NGEF: variants seen among roughly 807,000 people sequenced by gnomAD.
NGEF encodes neuronal guanine nucleotide exchange factor.
A neutral mutation model predicts 80.9 loss-of-function variants in NGEF; 31 were observed. The observed-to-expected ratio is 0.38, with a 90% CI of 0.29 to 0.52. The LOEUF is 0.52. Among genes scored for constraint, NGEF ranks in the 20% least tolerant of loss-of-function variants. The pLI is 0.84. For synonymous variants in NGEF, 371 were observed against 370.2 expected (o/e 1.00, Z -0.03); for missense variants, 709 against 926.2 (o/e 0.77, Z 3.04).
chr2:232,881,208 T>C lies in NGEF; in HGVS notation c.1880A>G (p.Gln627Arg). The C allele has an allele frequency of 6.2e-7, 1 of 1,611,126 alleles. No homozygotes were observed. ...GAGCTCCAGCGTCAGCTCGTCTGGC[T>C]GCTGAGCCACGTATGGGTGCACGCA... ...VQCVHPYVAQ[Q>R]PDELTLELAD... Residue 627 changes from glutamine to arginine, a missense_variant, in exon 14 of 15, where the codon CAG (glutamine) becomes CGG (arginine). By Grantham distance (43) the Gln-to-Arg change is conservative (BLOSUM62 1). Around this residue, in one of 2 missense-constraint regions of NGEF, gnomAD observed 426 missense variants for 622.9 expected, o/e 0.68. Transcript: ENST00000264051.
chr2:232,913,454 G>A (rs1692730647), intron 5 of NGEF, among the ~76,000 whole-genome samples: 1 of 152,164 alleles, frequency 6.6e-6, no homozygotes, highest in African/African-American at 2.4e-5. Flanking sequence ...CTACTGTTGG[G>A]TAGAGTGTTC....
At chr2:232,968,464 G>C (rs1469247006) in intron 3 of NGEF, among the ~76,000 whole-genome samples, 3 of 151,596 alleles carry the variant, frequency 2.0e-5, no homozygotes, top group African/African-American at 7.3e-5. Flanking sequence ...GGAGGGCAAT[G>C]GCATGATCTT....
intron 3 of NGEF, among the ~76,000 whole-genome samples, chr2:232,953,685 C>T (rs147671498): frequency 6.6e-6 from 1 of 151,998 alleles, no homozygotes; most frequent in African/African-American, 2.4e-5. Flanking sequence ...AGGATGTATG[C>T]GGTTTCTTCT....
At chr2:232,987,543 G>A (rs2106331736) in intron 1 of NGEF, among the ~76,000 whole-genome samples, 1 of 152,212 alleles carries the variant, frequency 6.6e-6, no homozygotes, top group East Asian at 1.9e-4. Flanking sequence ...CCCTGGAAAG[G>A]CCCAGGGCTC....
At chr2:232,886,118 G>A (rs372811627) in intron 9 of NGEF, among the ~76,000 whole-genome samples, 2 of 75,058 alleles carry the variant, frequency 2.7e-5, no homozygotes, top group South Asian at 5.9e-4. Context: ...GTGCATGTGT[G>A]TGCTGTGTAT....
Position 232,895,037 on chromosome 2 carries a change from G to A in NGEF, c.829-121C>T, listed in dbSNP as rs566119282. Reference sequence around the variant, plus strand: ...GGGAGTTGAAAGGGAAAAATCGCCTGCTCCTGGGGCCTGGGATGGCTGCTG... The same window carrying A: ...GGGAGTTGAAAGGGAAAAATCGCCTACTCCTGGGGCCTGGGATGGCTGCTG... On this transcript the variant is annotated intron_variant, in intron 5 of 14. Coordinates refer to ENST00000264051, the MANE Select transcript of NGEF (RefSeq NM_019850.3). 4 of 1,130,686 alleles carry A rather than the reference G, an allele frequency of 3.5e-6. No homozygotes were observed. The African/African-American group carries it at 6.1e-5, about 17-fold the overall frequency. The allele number at this position is 1,130,686 out of a possible 1,614,324, so 70.0% of individuals were successfully genotyped here. A position where few individuals can be genotyped will look rare whatever the true frequency, so the allele number is the denominator to read the frequency against.
At chr2:232,919,047 G>A (rs1692875278) in intron 5 of NGEF, among the ~76,000 whole-genome samples, 2 of 152,130 alleles carry the variant, frequency 1.3e-5, no homozygotes, top group African/African-American at 2.4e-5. Flanking sequence ...ACTCTACTGG[G>A]CACAACACCC....
intron 5 of NGEF, among the ~76,000 whole-genome samples, chr2:232,899,631 GTCAC>G (rs1692213828): frequency 1.0e-4 from 13 of 126,010 alleles, no homozygotes; most frequent in African/African-American, 4.0e-4. Flanking sequence ...TGCTCTCACA[GTCAC>G]TCATATACAC....
chr2:232,996,708 T>A (rs901980190), intron 1 of NGEF, among the ~76,000 whole-genome samples: 1 of 152,178 alleles, frequency 6.6e-6, no homozygotes, highest in Non-Finnish European at 1.5e-5. Flanking sequence ...TTGGCCAGGC[T>A]GGGCTCGAAC....
chr2:232,888,365 A>T (rs1377936684), intron 8 of NGEF, among the ~76,000 whole-genome samples: 1 of 91,530 alleles, frequency 1.1e-5, no homozygotes, highest in Non-Finnish European at 2.3e-5. Flanking sequence ...GTGTGCACAC[A>T]TGCACACCGT....
chr2:233,011,079 G>A (rs563093611), intron 1 of NGEF, among the ~76,000 whole-genome samples: 32 of 152,204 alleles, frequency 2.1e-4, no homozygotes, highest in African/African-American at 7.0e-4. Context: ...TCCTATCACC[G>A]TTGTTGGGGT....
Position 232,920,486 on chromosome 2 carries a change from G to A in NGEF, c.626C>T (p.Pro209Leu), listed in dbSNP as rs747854821. The A allele has an allele frequency of 1.5e-5, 24 of 1,611,330 alleles. No homozygotes were observed. The highest frequency in any genetic ancestry group is 8.9e-5 in the East Asian group (4 of 44,728). Reference protein sequence around the residue: ...AEIEDNTNGSPASEDTPEEEE... With the variant: ...AEIEDNTNGSLASEDTPEEEE... ...CTCCTCCGGGGTGTCCTCACTGGCC[G>A]GGGACCCATTGGTATTGTCTTCTAT... The change falls in exon 5 of 15, where the codon CCG becomes CTG. Residue 209 changes from proline (P) to leucine (L), a missense_variant. Physicochemically the swap from Pro to Leu is moderately conservative, Grantham distance 98. Around this residue, in one of 2 missense-constraint regions of NGEF, gnomAD observed 283 missense variants for 303.4 expected, o/e 0.93. Transcript: ENST00000264051.
chr2:233,012,571 A>G (rs1450856705), intron 1 of NGEF: 1 of 264,886 alleles, frequency 3.8e-6, no homozygotes, highest in East Asian at 1.2e-4. Context: ...CATGGCACAC[A>G]GGAATCAGGG....
intron 1 of NGEF, among the ~76,000 whole-genome samples, chr2:233,004,745 C>G (rs184410660): frequency 6.6e-6 from 1 of 152,202 alleles, no homozygotes; most frequent in African/African-American, 2.4e-5. Flanking sequence ...TCTCCCCTCA[C>G]CCCCCATCGC....
chr2:232,946,721 A>G (rs1693567792), intron 3 of NGEF, among the ~76,000 whole-genome samples: 1 of 152,358 alleles, frequency 6.6e-6, no homozygotes, highest in Non-Finnish European at 1.5e-5. Flanking sequence ...ATAGGAAAGC[A>G]TGCTGTGTCT....
At chr2:232,928,037 G>A (rs1216608327) in intron 3 of NGEF, 2 of 1,184,734 alleles carry the variant, frequency 1.7e-6, no homozygotes, top group East Asian at 3.7e-5. Flanking sequence ...GCCGGGTCGG[G>A]GGCCACGCCG....
chr2:232,906,807 A>G (rs1285904465), intron 5 of NGEF, among the ~76,000 whole-genome samples: 1 of 151,866 alleles, frequency 6.6e-6, no homozygotes, highest in African/African-American at 2.4e-5. Context: ...AGTAGTAGAC[A>G]TGGGAGACTT....
intron 1 of NGEF, among the ~76,000 whole-genome samples, chr2:232,993,106 A>AATAT (rs202123892): frequency 5.0e-5 from 5 of 100,406 alleles, no homozygotes; most frequent in African/African-American, 2.0e-4. Context: ...TAAATAAATA[A>AATAT]ATATATATAT....
chr2:232,934,415 T>C (rs1465625870), intron 3 of NGEF, among the ~76,000 whole-genome samples: 2 of 151,226 alleles, frequency 1.3e-5, no homozygotes, highest in Non-Finnish European at 2.9e-5. Flanking sequence ...TTAAAGAAAA[T>C]ATTAAAGTGA....
Sources: gnomAD v4.1 joint callset for allele counts (sites outside exome capture counted in the v4.1 genomes callset) on GRCh38, gnomAD v4.1.1 for gene constraint, gnomAD v4.1.1 regional missense constraint, MANE v1.5 for transcripts, NCBI Gene and HGNC (gene_info 2026-07-23, HGNC 2026-07-21) for gene names.